The following ROBO1 variants were observed in gnomAD, a reference collection of about 807,000 sequenced individuals.
ROBO1 encodes the protein roundabout homolog 1.
In ROBO1, 149 loss-of-function variants were observed where a neutral mutation model predicts 195.9. The ratio of observed to expected loss-of-function variants is 0.76; its 90% CI spans 0.67 to 0.87. The LOEUF is 0.87. Ranked by LOEUF, ROBO1 falls within the 40% of genes least tolerant of loss-of-function variation. ROBO1 has a pLI of 0.00. For synonymous variants in ROBO1, 816 were observed against 733.2 expected (o/e 1.11, Z -1.82); for missense variants, 1,933 against 2,068.3 (o/e 0.93, Z 1.27).
At chr3:79,613,987 C>T (rs1433332815) in intron 1 of ROBO1, among the ~76,000 whole-genome samples, 1 of 151,852 alleles carries the variant, frequency 6.6e-6, no homozygotes, top group Non-Finnish European at 1.5e-5. Context: ...AGTGTGTATA[C>T]ACCTAACAAC....
At chr3:78,792,449 C>T (rs1263478940) in intron 4 of ROBO1, among the ~76,000 whole-genome samples, 3 of 152,142 alleles carry the variant, frequency 2.0e-5, no homozygotes, top group African/African-American at 4.8e-5. Context: ...GGGTAACAAG[C>T]AATTTCACAA....
intron 2 of ROBO1, among the ~76,000 whole-genome samples, chr3:79,472,988 G>T (rs1230898746): frequency 2.0e-5 from 3 of 152,136 alleles, no homozygotes; most frequent in Non-Finnish European, 4.4e-5. Context: ...ATGTGGGAGA[G>T]TGTTCAAGGC....
chr3:78,905,829 T>G (rs1381831199), intron 4 of ROBO1, among the ~76,000 whole-genome samples: 1 of 152,162 alleles, frequency 6.6e-6, no homozygotes, highest in Non-Finnish European at 1.5e-5. Context: ...GATGAAGAGA[T>G]GAAGCCTCAG....
chr3:79,536,614 T>G (rs1351680479), intron 2 of ROBO1, among the ~76,000 whole-genome samples: 1 of 152,136 alleles, frequency 6.6e-6, no homozygotes, highest in Non-Finnish European at 1.5e-5. Context: ...GCCTGCTAAC[T>G]AATCAAGTAC....
intron 3 of ROBO1, among the ~76,000 whole-genome samples, chr3:79,085,087 CTGTT>C (rs546606852): frequency 7.2e-5 from 11 of 152,176 alleles, no homozygotes; most frequent in African/African-American, 1.9e-4. Context: ...TGAAGAGACA[CTGTT>C]TGAGAAATGT....
rs187109866 is a variant in ROBO1 at position 78,919,172 on chromosome 3, G to A, written c.499+19429C>T. On this transcript the variant is annotated intron_variant, in intron 4 of 30. Transcript: ENST00000464233. ...CAGACCATAGGGAGATTATGGTTAC[G>A]TGAGCTTCAAACAGGCTCAAGTGTA... 1.5e-4 allele frequency among the ~76,000 whole-genome samples: 23 copies of A among 152,260 alleles called. No individual in the cohort carries two copies. In the East Asian group the frequency reaches 3.3e-3, roughly 22 times the overall value.
intron 2 of ROBO1, among the ~76,000 whole-genome samples, chr3:79,550,207 A>AAAGGAAAGGAAAGGAAAGG (rs58341695): frequency 9.6e-6 from 1 of 103,724 alleles, no homozygotes; most frequent in Non-Finnish European, 1.9e-5. Flanking sequence ...AAAAGAAAAG[A>AAAGGAAAGGAAAGGAAAGG]AAAGAAAAGA....
intron 1 of ROBO1, among the ~76,000 whole-genome samples, chr3:79,765,040 TAAGGGAAGCG>T (rs1441071417): frequency 1.3e-5 from 2 of 152,088 alleles, no homozygotes; most frequent in African/African-American, 4.8e-5. Flanking sequence ...AAGGACAGGC[TAAGGGAAGCG>T]AAGGGAAGTA....
chr3:78,963,119 A>T (rs1216384161), intron 3 of ROBO1, among the ~76,000 whole-genome samples: 4 of 151,142 alleles, frequency 2.6e-5, no homozygotes, highest in Non-Finnish European at 4.4e-5. Context: ...ATTACCTTGC[A>T]ATGCTGATGA....
chr3:79,384,452 T>A (rs2036669640), intron 2 of ROBO1, among the ~76,000 whole-genome samples: 1 of 152,002 alleles, frequency 6.6e-6, no homozygotes, highest in Non-Finnish European at 1.5e-5. Flanking sequence ...GTTATATGTG[T>A]ATATTATGGA....
intron 2 of ROBO1, among the ~76,000 whole-genome samples, chr3:79,406,063 A>G (rs1177958901): frequency 6.6e-6 from 1 of 152,126 alleles, no homozygotes; most frequent in Non-Finnish European, 1.5e-5. Flanking sequence ...GCATCTCTGA[A>G]GAAACTTTCC....
At chr3:79,340,719 T>C (rs1045238454) in intron 2 of ROBO1, among the ~76,000 whole-genome samples, 4 of 152,200 alleles carry the variant, frequency 2.6e-5, no homozygotes, top group African/African-American at 4.8e-5. Flanking sequence ...TGTTTTGTTT[T>C]AAAAAAGCCA....
chr3:79,285,505 G>A lies in ROBO1; in HGVS notation c.89-159966C>T, dbSNP rs370706743. 2.2e-4 allele frequency among the ~76,000 whole-genome samples: 33 copies of A among 152,246 alleles called. 1 individual carries two copies. In the East Asian group the frequency reaches 4.6e-3, roughly 21 times the overall value. On this transcript the variant is annotated intron_variant, in intron 2 of 30. Coordinates refer to ENST00000464233, the MANE Select transcript of ROBO1 (RefSeq NM_002941.4). ...ATTAGCAATGCAAAGAATGTTAGCC[G>A]GCCCGTCATGGTCATGCCTTGCCTG... is the stretch of plus-strand genomic sequence containing the variant.
chr3:78,790,658 A>T (rs1021010232), intron 4 of ROBO1, among the ~76,000 whole-genome samples: 1 of 152,156 alleles, frequency 6.6e-6, no homozygotes, highest in African/African-American at 2.4e-5. Flanking sequence ...CAGATTGCCA[A>T]CACTCCCTAC....
At chr3:79,128,975 A>G (rs2080271096) in intron 2 of ROBO1, among the ~76,000 whole-genome samples, 1 of 152,162 alleles carries the variant, frequency 6.6e-6, no homozygotes, top group East Asian at 1.9e-4. Context: ...TCTTTTCAAA[A>G]TGCTGTCTGT....
chr3:79,579,772 G>A (rs1380470199), intron 2 of ROBO1, among the ~76,000 whole-genome samples: 1 of 151,938 alleles, frequency 6.6e-6, no homozygotes, highest in Non-Finnish European at 1.5e-5. Context: ...TATTAGAAAA[G>A]AAAAAGGCAA....
At chr3:79,380,610 G>A (rs1387664) in intron 2 of ROBO1, among the ~76,000 whole-genome samples, 101,130 of 151,592 alleles carry the variant, frequency 0.67, 35,195 homozygotes, top group African/African-American at 0.88. Context: ...GTAGATTAAT[G>A]TCATAATCTA....
chr3:79,631,675 A>C (rs1186912331), intron 1 of ROBO1, among the ~76,000 whole-genome samples: 1 of 152,122 alleles, frequency 6.6e-6, no homozygotes, highest in Non-Finnish European at 1.5e-5. Flanking sequence ...CAGCAAAAGA[A>C]ATAATCAATA....
At chr3:78,962,173 G>C (rs2041385122) in intron 3 of ROBO1, among the ~76,000 whole-genome samples, 1 of 152,088 alleles carries the variant, frequency 6.6e-6, no homozygotes, top group Non-Finnish European at 1.5e-5. Flanking sequence ...TGAACACCAA[G>C]TTAGGAGTAA....
Sources: allele counts gnomAD v4.1 joint callset (sites outside exome capture counted in the v4.1 genomes callset), GRCh38; gene constraint gnomAD v4.1.1; transcripts MANE v1.5; gene names NCBI Gene and HGNC (gene_info 2026-07-23, HGNC 2026-07-21).